Variants in CPPED1 observed in about 807,000 individuals in gnomAD.
CPPED1 encodes serine/threonine-protein phosphatase CPPED1.
A neutral mutation model predicts 28.0 loss-of-function variants in CPPED1; 28 were observed. The observed-to-expected ratio is 1.00, with a 90% CI of 0.74 to 1.37. The LOEUF (loss-of-function observed/expected upper bound fraction) is 1.37. Ranked by LOEUF, CPPED1 falls within the 40% of genes most tolerant of loss-of-function variation. CPPED1 has a pLI of 0.00. For missense variants in CPPED1, 504 were observed against 416.5 expected, an observed-to-expected ratio of 1.21 and a Z score of -1.83; for synonymous variants, 198 against 180.2, an observed-to-expected ratio of 1.10 and a Z score of -0.79.
intron 2 of CPPED1, among the ~76,000 whole-genome samples, chr16:12,706,458 C>G (rs1182649095): frequency 6.7e-6 from 1 of 148,202 alleles, no homozygotes; most frequent in African/African-American, 2.5e-5. Flanking sequence ...CTGCCTCTCT[C>G]CCTTCCTTCC....
intron 2 of CPPED1, among the ~76,000 whole-genome samples, chr16:12,746,226 T>C (rs868616242): frequency 5.9e-5 from 9 of 151,794 alleles, no homozygotes; most frequent in Non-Finnish European, 1.2e-4. Flanking sequence ...AATACAAAAA[T>C]GACCTGGGTG....
chr16:12,667,054 C>A (rs1650997), intron 3 of CPPED1, among the ~76,000 whole-genome samples: 2 of 149,726 alleles, frequency 1.3e-5, no homozygotes, highest in Admixed American at 6.8e-5. Context: ...TGGTCCTGAA[C>A]GGGGGTGGGG....
Position 12,680,921 on chromosome 16 carries a change from G to A in CPPED1, c.716-15806C>T, listed in dbSNP as rs141206072. Among the ~76,000 whole-genome samples, 40 of 152,228 alleles carry A rather than the reference G, an allele frequency of 2.6e-4. 1 individual carries two copies. The East Asian group carries it at 7.5e-3, about 29-fold the overall frequency. ...GGTCATTTCAGGCATTTGTTCACATGTCTGGTCCATGTGATATAAAGCATC... is the reference window on the plus strand; with the variant it reads ...GGTCATTTCAGGCATTTGTTCACATATCTGGTCCATGTGATATAAAGCATC... On this transcript the variant is annotated intron_variant, in intron 3 of 3. Coordinates refer to ENST00000381774, the MANE Select transcript of CPPED1 (RefSeq NM_018340.3).
chr16:12,719,235 C>T (rs1425688303), intron 2 of CPPED1, among the ~76,000 whole-genome samples: 1 of 151,798 alleles, frequency 6.6e-6, no homozygotes, highest in Non-Finnish European at 1.5e-5. Context: ...ACTAAAAACA[C>T]AAAAAATTAG....
chr16:12,777,118 A>C (rs2080502503), intron 2 of CPPED1, among the ~76,000 whole-genome samples: 1 of 152,244 alleles, frequency 6.6e-6, no homozygotes, highest in Non-Finnish European at 1.5e-5. Context: ...CCAGGGCTAC[A>C]TCATCAACTG....
chr16:12,768,403 C>G (rs1347547294), intron 2 of CPPED1, among the ~76,000 whole-genome samples: 1 of 152,130 alleles, frequency 6.6e-6, no homozygotes, highest in Admixed American at 6.5e-5. Flanking sequence ...TTAACTAGTC[C>G]CTATTATTGA....
At chr16:12,780,122 G>C (rs1244650986) in intron 2 of CPPED1, among the ~76,000 whole-genome samples, 1 of 152,124 alleles carries the variant, frequency 6.6e-6, no homozygotes, top group Admixed American at 6.6e-5. Flanking sequence ...CCACACTCTG[G>C]TGGAAGGGGG....
At chr16:12,690,306 G>C (rs1365168193) in intron 3 of CPPED1, among the ~76,000 whole-genome samples, 1 of 152,086 alleles carries the variant, frequency 6.6e-6, no homozygotes, top group African/African-American at 2.4e-5. Context: ...GAGCTCAGGA[G>C]TTCTCCAGAC....
intron 2 of CPPED1, among the ~76,000 whole-genome samples, chr16:12,773,136 A>G (rs2080479115): frequency 6.6e-6 from 1 of 152,216 alleles, no homozygotes; most frequent in Admixed American, 6.5e-5. Flanking sequence ...GAAAGAAGCC[A>G]TTGTAGCTCT....
In CPPED1 at chr16:12,673,087, T is replaced by C. The variant is rs528888642; in HGVS notation, c.716-7972A>G. Among the ~76,000 whole-genome samples the C allele has an allele frequency of 7.8e-4, 118 of 151,854 alleles. 1 individual carries two copies. Among genetic ancestry groups the C allele is most frequent in the African/African-American group, 2.4e-3 (101 of 41,434 alleles). ...GCAACATGAACAGGGCAGGGTGGCG[T>C]GACAGATGCAGCCACTGCCACTCCA... On this transcript the variant is annotated intron_variant, in intron 3 of 3. Transcript: ENST00000381774.
In CPPED1 at chr16:12,676,418, G is replaced by A. The variant is rs182537388; in HGVS notation, c.716-11303C>T. Among the ~76,000 whole-genome samples the A allele has an allele frequency of 5.4e-3, 828 of 152,268 alleles. 4 individuals carry two copies. The highest frequency in any genetic ancestry group is 0.014 in the Middle Eastern group (4 of 294). ...AGCGTTTTATTCGCTGGACATCTAC[G>A]ACCTGCATTTTGCACCTGCATCATC... On this transcript the variant is annotated intron_variant, in intron 3 of 3. Transcript: ENST00000381774.
intron 3 of CPPED1, among the ~76,000 whole-genome samples, chr16:12,675,169 C>T (rs1212259118): frequency 6.6e-6 from 1 of 152,192 alleles, no homozygotes; most frequent in Non-Finnish European, 1.5e-5. Context: ...TCTTGGTTTC[C>T]CTGACGGGGT....
At chr16:12,781,025 C>G in intron 2 of CPPED1, 160 bp downstream of exon 2, 1 of 623,868 alleles carries the variant, frequency 1.6e-6, no homozygotes, top group South Asian at 1.9e-5. Flanking sequence ...CATGAGTGTG[C>G]ACTTTCTGAT....
At chr16:12,730,424 G>T (rs1480963367) in intron 2 of CPPED1, among the ~76,000 whole-genome samples, 1 of 152,152 alleles carries the variant, frequency 6.6e-6, no homozygotes, top group Non-Finnish European at 1.5e-5. Flanking sequence ...CGATGACCCA[G>T]TAATTCCACT....
intron 2 of CPPED1, among the ~76,000 whole-genome samples, chr16:12,756,264 C>T (rs539556850): frequency 5.9e-5 from 9 of 152,268 alleles, no homozygotes; most frequent in African/African-American, 1.9e-4. Flanking sequence ...AGTCAGTTAT[C>T]GTCTTAAATA....
intron 2 of CPPED1, among the ~76,000 whole-genome samples, chr16:12,733,833 G>C (rs2080212026): frequency 6.6e-6 from 1 of 152,082 alleles, no homozygotes; most frequent in Non-Finnish European, 1.5e-5. Flanking sequence ...CTGCTGCTTT[G>C]TAAAACTTGC....
chr16:12,763,633 A>C (rs1367099143), intron 2 of CPPED1, among the ~76,000 whole-genome samples: 1 of 152,244 alleles, frequency 6.6e-6, no homozygotes, highest in Non-Finnish European at 1.5e-5. Flanking sequence ...TTTACAGATA[A>C]GGAAATTCAG....
intron 3 of CPPED1, among the ~76,000 whole-genome samples, chr16:12,673,287 A>G (rs780115527): frequency 6.6e-6 from 1 of 152,184 alleles, no homozygotes; most frequent in Non-Finnish European, 1.5e-5. Flanking sequence ...CTGTAGCTCA[A>G]ATGGGACCGC....
intron 2 of CPPED1, among the ~76,000 whole-genome samples, chr16:12,780,111 C>A (rs2080521264): frequency 6.6e-6 from 1 of 152,036 alleles, no homozygotes; most frequent in Non-Finnish European, 1.5e-5. Context: ...TGGAGCTGAC[C>A]CCACACTCTG....
Sources: gnomAD v4.1 joint callset for allele counts (sites outside exome capture counted in the v4.1 genomes callset) on GRCh38, gnomAD v4.1.1 for gene constraint, MANE v1.5 for transcripts, NCBI Gene and HGNC (gene_info 2026-07-23, HGNC 2026-07-21) for gene names.